Variants in PTPRK observed in about 807,000 individuals in gnomAD.
The protein encoded by PTPRK is receptor-type tyrosine-protein phosphatase kappa.
In PTPRK, 75 loss-of-function variants were observed where a neutral mutation model predicts 178.0. The ratio of observed to expected loss-of-function variants is 0.42; its 90% CI spans 0.35 to 0.51. PTPRK has a LOEUF of 0.51. PTPRK is among the 20% of genes least tolerant of loss of function. The probability of loss-of-function intolerance (pLI) is 0.02; values close to 1 mark genes in which losing one functional copy is unlikely to be tolerated. For synonymous variants in PTPRK, 637 were observed against 620.6 expected (o/e 1.03, Z -0.39); for missense variants, 1,441 against 1,797.8 (o/e 0.80, Z 3.59).
chr6:128,213,586 T>C (rs1278406150), intron 6 of PTPRK, among the ~76,000 whole-genome samples: 1 of 151,988 alleles, frequency 6.6e-6, no homozygotes, highest in East Asian at 1.9e-4. Context: ...CAAGTCACCA[T>C]TAAGAAAAAG....
chr6:128,433,289 C>T (rs1845076856), intron 1 of PTPRK, among the ~76,000 whole-genome samples: 2 of 152,130 alleles, frequency 1.3e-5, no homozygotes, highest in African/African-American at 4.8e-5. Context: ...CACACACACC[C>T]TTCCCAGCCT....
chr6:128,288,717 C>A (rs1024527168), intron 3 of PTPRK, among the ~76,000 whole-genome samples: 1 of 152,034 alleles, frequency 6.6e-6, no homozygotes, highest in African/African-American at 2.4e-5. Context: ...TAGGAAAAAA[C>A]TGTTTATTCA....
intron 1 of PTPRK, among the ~76,000 whole-genome samples, chr6:128,448,619 T>C (rs1193485716): frequency 6.6e-6 from 1 of 152,168 alleles, no homozygotes; most frequent in South Asian, 2.1e-4. Context: ...GCTAGCTCCT[T>C]ACCAACAAAA....
chr6:128,131,383 C>T (rs973056795), intron 7 of PTPRK, among the ~76,000 whole-genome samples: 2 of 152,102 alleles, frequency 1.3e-5, no homozygotes, highest in African/African-American at 2.4e-5. Context: ...AAAATCTATG[C>T]GGAGCCACAT....
chr6:128,274,654 A>G (rs372517850), intron 3 of PTPRK, among the ~76,000 whole-genome samples: 1 of 152,066 alleles, frequency 6.6e-6, no homozygotes, highest in East Asian at 1.9e-4. Context: ...ATAAACTTAA[A>G]AGTATTTTTA....
chr6:128,056,345 A>G (rs1008812882), intron 13 of PTPRK, among the ~76,000 whole-genome samples: 1 of 151,492 alleles, frequency 6.6e-6, no homozygotes, highest in Non-Finnish European at 1.5e-5. Context: ...CAATTCAAAG[A>G]CCTCACGTCA....
At chr6:128,499,874 G>C (rs1200207811) in intron 1 of PTPRK, among the ~76,000 whole-genome samples, 1 of 152,118 alleles carries the variant, frequency 6.6e-6, no homozygotes, top group African/African-American at 2.4e-5. Flanking sequence ...CCTTAAGCTG[G>C]TTGCTACCTA....
chr6:128,469,200 G>A (rs1439331066), intron 1 of PTPRK, among the ~76,000 whole-genome samples: 1 of 152,124 alleles, frequency 6.6e-6, no homozygotes, highest in Non-Finnish European at 1.5e-5. Flanking sequence ...TAGCTAGAAA[G>A]CATATATTAA....
At chr6:128,119,859 G>T (rs1050255483) in intron 7 of PTPRK, among the ~76,000 whole-genome samples, 1 of 152,002 alleles carries the variant, frequency 6.6e-6, no homozygotes, top group Non-Finnish European at 1.5e-5. Context: ...GATGTATTCA[G>T]CAATAGCTAT....
intron 7 of PTPRK, among the ~76,000 whole-genome samples, chr6:128,147,307 G>T (rs1796633529): frequency 6.6e-6 from 1 of 152,042 alleles, no homozygotes; most frequent in African/African-American, 2.4e-5. Context: ...ATTTTACAGA[G>T]TTTTTTTAAC....
At chr6:128,476,455 T>G (rs773365504) in intron 1 of PTPRK, among the ~76,000 whole-genome samples, 1 of 152,054 alleles carries the variant, frequency 6.6e-6, no homozygotes, top group Admixed American at 6.6e-5. Context: ...ATGTTCAGAA[T>G]GTGTTGTGTG....
At chr6:128,215,003 T>C (rs911554022) in intron 6 of PTPRK, among the ~76,000 whole-genome samples, 1 of 152,198 alleles carries the variant, frequency 6.6e-6, no homozygotes, top group Non-Finnish European at 1.5e-5. Context: ...AATACTTCTG[T>C]GTCCAGAGCA....
At chr6:128,095,733 T>C (rs1182185777) in intron 7 of PTPRK, among the ~76,000 whole-genome samples, 1 of 152,136 alleles carries the variant, frequency 6.6e-6, no homozygotes, top group Non-Finnish European at 1.5e-5. Context: ...AAGAAGCTGG[T>C]AAAAGGACTG....
At chr6:128,285,552 T>C (rs1238661280) in intron 3 of PTPRK, among the ~76,000 whole-genome samples, 1 of 150,532 alleles carries the variant, frequency 6.6e-6, no homozygotes, top group Non-Finnish European at 1.5e-5. Flanking sequence ...GGCTCATGCC[T>C]GTAATCCCAG....
chr6:128,415,278 A>C (rs1473365224), intron 1 of PTPRK, among the ~76,000 whole-genome samples: 2 of 152,164 alleles, frequency 1.3e-5, no homozygotes, highest in African/African-American at 4.8e-5. Context: ...TGAAAGAAAA[A>C]AATGTTTTTC....
At chr6:128,146,979 C>T (rs958738086) in intron 7 of PTPRK, among the ~76,000 whole-genome samples, 1 of 152,114 alleles carries the variant, frequency 6.6e-6, no homozygotes, top group African/African-American at 2.4e-5. Context: ...GTAAAACAGA[C>T]ACTGGAGAAC....
chr6:128,120,798 A>C lies in PTPRK; in HGVS notation c.1163-30806T>G, dbSNP rs78579126. On this transcript the variant is annotated intron_variant, in intron 7 of 29. Transcript: ENST00000368226. ...TACTTAATTTCAATTGTTATAGGGA[A>C]TATAACGCTAAAGTAAAATTATGGC... Among the ~76,000 whole-genome samples the C allele has an allele frequency of 7.5e-3, 1,141 of 152,024 alleles. 11 individuals are homozygous for C. The highest frequency in any genetic ancestry group is 0.026 in the African/African-American group (1,066 of 41,564).
chr6:128,076,895 T>C (rs895384549), intron 11 of PTPRK, among the ~76,000 whole-genome samples: 2 of 152,078 alleles, frequency 1.3e-5, no homozygotes, highest in Non-Finnish European at 2.9e-5. Flanking sequence ...TGTGTTTTGT[T>C]GTGGTCATTT....
chr6:128,151,912 GT>G (rs532594665), intron 7 of PTPRK, among the ~76,000 whole-genome samples: 15 of 150,666 alleles, frequency 1.0e-4, no homozygotes, highest in South Asian at 4.2e-4. Context: ...AAATTAAAGG[GT>G]TTTTTTTTCT....
Sources: allele counts gnomAD v4.1 joint callset (sites outside exome capture counted in the v4.1 genomes callset), GRCh38; gene constraint gnomAD v4.1.1; transcripts MANE v1.5; gene names NCBI Gene and HGNC (gene_info 2026-07-23, HGNC 2026-07-21).